SLC44A3: variants seen among roughly 807,000 people sequenced by gnomAD.
The protein encoded by SLC44A3 is choline transporter-like protein 3.
SLC44A3 carries 74 observed loss-of-function variants against 75.4 expected under a neutral mutation model. The ratio of observed to expected loss-of-function variants is 0.98; its 90% CI spans 0.81 to 1.19. The LOEUF (loss-of-function observed/expected upper bound fraction) is 1.19, where lower values mean the gene tolerates loss of function less well. SLC44A3 is among the 50% of genes most tolerant of loss of function. The pLI, the probability that SLC44A3 is intolerant of heterozygous loss-of-function variation, is 0.00. For synonymous variants in SLC44A3, 310 were observed against 296.9 expected (o/e 1.04, Z -0.45); for missense variants, 700 against 778.6 (o/e 0.90, Z 1.20).
intron 10 of SLC44A3, 137 bp from the exon 11 acceptor site, chr1:94,864,606 G>C (rs201091542): frequency 1.4e-6 from 1 of 735,990 alleles, no homozygotes; most frequent in East Asian, 2.7e-5. Flanking sequence ...AAGCTACCAA[G>C]GAGTATAAAA....
chr1:94,840,283 C>CTTTTTTTTTTTTTTTTTTTTTTT (rs56383271), intron 7 of SLC44A3, among the ~76,000 whole-genome samples: 4 of 77,362 alleles, frequency 5.2e-5, no homozygotes, highest in African/African-American at 1.0e-4. Context: ...TTTCTTTTTC[C>CTTTTTTTTTTTTTTTTTTTTTTT]TTTTTTTTTT....
chr1:94,844,753 G>A (rs141589002), intron 8 of SLC44A3, among the ~76,000 whole-genome samples: 118 of 152,262 alleles, frequency 7.7e-4, no homozygotes, highest in African/African-American at 2.6e-3. Flanking sequence ...CAAGAAGCTC[G>A]GCCATGAAAA....
chr1:94,879,330 G>T (rs374997140), intron 12 of SLC44A3, among the ~76,000 whole-genome samples: 14 of 148,310 alleles, frequency 9.4e-5, no homozygotes, highest in African/African-American at 3.0e-4. Flanking sequence ...TCAGGAGTTT[G>T]AAACCAGCCT....
chr1:94,875,826 G>A (rs934771326), intron 12 of SLC44A3, among the ~76,000 whole-genome samples: 4 of 152,194 alleles, frequency 2.6e-5, no homozygotes, highest in African/African-American at 9.7e-5. Flanking sequence ...ACTCCATGTA[G>A]AACATGAAGC....
intron 5 of SLC44A3, among the ~76,000 whole-genome samples, chr1:94,836,311 A>G (rs1662772342): frequency 6.6e-6 from 1 of 152,208 alleles, no homozygotes; most frequent in Non-Finnish European, 1.5e-5. Flanking sequence ...ATTCATTAGA[A>G]TGCATATTGC....
At position 94,864,864 on chromosome 1, in the gene SLC44A3, A is replaced by T. The variant is rs1476072742; in HGVS notation, c.1360A>T (p.Ile454Phe). The change falls in exon 11 of 15, where the codon ATT becomes TTT. Residue 454 changes from isoleucine to phenylalanine, a missense_variant. By Grantham distance (21) the Ile-to-Phe change is conservative (BLOSUM62 0). Coordinates refer to ENST00000271227, the MANE Select transcript of SLC44A3 (RefSeq NM_001114106.3). ...CTCTGTGGTGAGGATTCCGAGAATC[A>T]TTGTCATGTACATGCAAAACGCACT... ...LISVVRIPRI[I>F]VMYMQNALKE... 1.2e-6 allele frequency: 2 copies of T among 1,614,044 alleles called. No individual in the cohort carries two copies. The highest frequency in any genetic ancestry group is 3.3e-5 in the Admixed American group (2 of 60,018).
chr1:94,849,707 G>C (rs1284006288), intron 9 of SLC44A3, among the ~76,000 whole-genome samples: 1 of 152,200 alleles, frequency 6.6e-6, no homozygotes, highest in Non-Finnish European at 1.5e-5. Flanking sequence ...GCCCAGTTTT[G>C]TGTGTGGGCG....
intron 5 of SLC44A3, among the ~76,000 whole-genome samples, chr1:94,830,852 C>T (rs1442909296): frequency 6.6e-6 from 1 of 152,172 alleles, no homozygotes; most frequent in East Asian, 1.9e-4. Flanking sequence ...TATCTTGATA[C>T]TTATGATGAT....
At chr1:94,840,278 TTTTCC>T in intron 7 of SLC44A3, among the ~76,000 whole-genome samples, 1 of 137,250 alleles carries the variant, frequency 7.3e-6, no homozygotes, top group Non-Finnish European at 1.5e-5. Context: ...TTCTTTTTCT[TTTTCC>T]TTTTTTTTTT....
At chr1:94,849,697 G>A (rs79634701) in intron 9 of SLC44A3, among the ~76,000 whole-genome samples, 4,915 of 152,290 alleles carry the variant, frequency 0.032, 285 homozygotes, top group African/African-American at 0.11. Context: ...TTCAGTTAGC[G>A]CCCAGTTTTG....
chr1:94,836,663 CCCAATA>C (rs1293411856), intron 5 of SLC44A3: 3 of 152,070 alleles, frequency 2.0e-5, no homozygotes, highest in African/African-American at 7.2e-5. Flanking sequence ...TGCCTGTAAT[CCCAATA>C]CTTTGAGACA....
At chr1:94,825,111 C>T (rs899532756) in intron 3 of SLC44A3, among the ~76,000 whole-genome samples, 2 of 152,184 alleles carry the variant, frequency 1.3e-5, no homozygotes, top group African/African-American at 2.4e-5. Flanking sequence ...ACCTGTGTCC[C>T]ACCCCTGCCC....
chr1:94,890,264 A>G (rs969084821), intron 12 of SLC44A3, among the ~76,000 whole-genome samples: 1 of 152,152 alleles, frequency 6.6e-6, no homozygotes, highest in Non-Finnish European at 1.5e-5. Flanking sequence ...TACCTTAAAC[A>G]TACCTCTCTA....
chr1:94,837,654 C>A (rs980427062), intron 5 of SLC44A3, 57 bp from the exon 6 acceptor site: 2 of 1,487,332 alleles, frequency 1.3e-6, no homozygotes, highest in Middle Eastern at 2.1e-4. Context: ...AAATAAACAT[C>A]TTTTAAAGAT....
At position 94,867,332 on chromosome 1, in the gene SLC44A3, A is replaced by G. The variant is rs1195343412; in HGVS notation, c.1397A>G (p.Gln466Arg). 1 of 1,581,338 alleles carries G rather than the reference A, an allele frequency of 6.3e-7. No individual in the cohort carries two copies. The highest frequency in any genetic ancestry group is 1.2e-5 in the South Asian group (1 of 86,618). ...MYMQNALKEQ[Q>R]HGALSRYLFR... is the part of the protein sequence containing the mutation. ...TCCTTTGTTCTCAACCTGATCCAGC[A>G]GCATGGTGCATTGTCCAGGTACCTG... Residue 466 changes from glutamine (Q) to arginine (R), a missense_variant and splice_region_variant, in exon 12 of 15, where the codon CAG (glutamine) becomes CGG (arginine). By Grantham distance (43) the Gln-to-Arg change is conservative (BLOSUM62 1). Coordinates refer to ENST00000271227, the MANE Select transcript of SLC44A3 (RefSeq NM_001114106.3).
At chr1:94,846,361 C>G (rs1032547390) in intron 9 of SLC44A3, among the ~76,000 whole-genome samples, 1 of 152,094 alleles carries the variant, frequency 6.6e-6, no homozygotes, top group Admixed American at 6.6e-5. Context: ...GAGATTGATT[C>G]ACGTGGTTTG....
chr1:94,830,171 G>A (rs764074322), intron 5 of SLC44A3, among the ~76,000 whole-genome samples: 1 of 152,104 alleles, frequency 6.6e-6, no homozygotes, highest in Non-Finnish European at 1.5e-5. Flanking sequence ...ATTGAAGGAG[G>A]AGAGAACTAT....
intron 12 of SLC44A3, among the ~76,000 whole-genome samples, chr1:94,881,927 G>T (rs1201079766): frequency 6.6e-6 from 1 of 151,918 alleles, no homozygotes; most frequent in Non-Finnish European, 1.5e-5. Flanking sequence ...GGCTGAGGCA[G>T]AAGAATCGCT....
Position 94,820,373 on chromosome 1 carries a change from C to G in SLC44A3, c.-79C>G. On this transcript the variant is annotated 5_prime_UTR_variant, in exon 1 of 15. Transcript: ENST00000271227. The stretch of plus-strand genomic sequence containing the variant: ...CCCAGCCCCAGCCCCGGCCCCGGCC[C>G]CGGCTCGCGGGCGCTGCGTCTCCGC... The G allele has an allele frequency of 7.3e-7, 1 of 1,372,100 alleles. No individual in the cohort carries two copies. Among genetic ancestry groups the G allele is most frequent in the Non-Finnish European group, 9.4e-7 (1 of 1,066,438 alleles). 85.0% of individuals were successfully genotyped at this position (1,372,100 alleles called of 1,614,324 possible).
Sources: allele counts gnomAD v4.1 joint callset (sites outside exome capture counted in the v4.1 genomes callset), GRCh38; gene constraint gnomAD v4.1.1; transcripts MANE v1.5; gene names NCBI Gene and HGNC (gene_info 2026-07-23, HGNC 2026-07-21).